SIMC1: variants seen among roughly 807,000 people sequenced by gnomAD.
The protein encoded by SIMC1 is SUMO-interacting motif-containing protein 1.
SIMC1 carries 55 observed loss-of-function variants against 82.3 expected under a neutral mutation model. The observed-to-expected ratio is 0.67, with a 90% confidence interval of 0.54 to 0.84. The LOEUF is 0.84. Among genes scored for constraint, SIMC1 ranks in the 40% least tolerant of loss-of-function variants. The pLI, the probability that SIMC1 is intolerant of heterozygous loss-of-function variation, is 0.00. For synonymous variants in SIMC1, 353 were observed against 426.3 expected, an observed-to-expected ratio of 0.83 and a Z score of 2.12; for missense variants, 915 against 1,107.2, an observed-to-expected ratio of 0.83 and a Z score of 2.46.
chr5:176,309,494 G>GCCT (rs765359142), intron 4 of SIMC1, among the ~76,000 whole-genome samples: 1 of 152,122 alleles, frequency 6.6e-6, no homozygotes, highest in Non-Finnish European at 1.5e-5. Context: ...TGCCCCAAAA[G>GCCT]CATATCCGTA....
intron 5 of SIMC1, among the ~76,000 whole-genome samples, chr5:176,321,398 G>T (rs531551621): frequency 2.7e-5 from 4 of 149,978 alleles, no homozygotes; most frequent in East Asian, 2.0e-4. Flanking sequence ...AGCCGAGATC[G>T]CACCACTGCA....
At chr5:176,286,875 A>G (rs1763312660) in intron 1 of SIMC1, among the ~76,000 whole-genome samples, 1 of 152,256 alleles carries the variant, frequency 6.6e-6, no homozygotes, top group African/African-American at 2.4e-5. Context: ...GACACATGAA[A>G]AAATGCTCAT....
chr5:176,321,075 G>T (rs1415980636), intron 5 of SIMC1, among the ~76,000 whole-genome samples: 1 of 152,068 alleles, frequency 6.6e-6, no homozygotes, highest in African/African-American at 2.4e-5. Flanking sequence ...GCACCCAGGT[G>T]ATCATCATTC....
chr5:176,345,527 G>T lies in SIMC1; in HGVS notation c.*82G>T. On this transcript the variant is annotated 3_prime_UTR_variant, in exon 10 of 10. Transcript: ENST00000429602. Reference sequence around the variant, plus strand: ...CAGAAGCTCTAAAAGCATGAAAAGTGGTTAAAATCTTACAGGACCAAACCT... The same window carrying T: ...CAGAAGCTCTAAAAGCATGAAAAGTTGTTAAAATCTTACAGGACCAAACCT... 6.8e-7 allele frequency: 1 copy of T among 1,474,374 alleles called. No homozygotes were observed. 91.3% of individuals were successfully genotyped at this position (1,474,374 alleles called of 1,614,324 possible). A position where few individuals can be genotyped will look rare whatever the true frequency, so the allele number is the denominator to read the frequency against.
intron 4 of SIMC1, chr5:176,313,464 T>C: frequency 6.5e-7 from 1 of 1,550,274 alleles, no homozygotes; most frequent in Non-Finnish European, 8.7e-7. Context: ...ACTTAAAAAA[T>C]GGTTTCTGAA....
chr5:176,334,332 G>C (rs1222904850), intron 7 of SIMC1, among the ~76,000 whole-genome samples: 1 of 152,132 alleles, frequency 6.6e-6, no homozygotes. Context: ...GCTTTTTCCT[G>C]TTGAGGCTTG....
intron 1 of SIMC1, among the ~76,000 whole-genome samples, chr5:176,241,866 A>C (rs554127245): frequency 2.0e-5 from 3 of 151,954 alleles, no homozygotes; most frequent in South Asian, 2.1e-4. Context: ...ATCTGTCTGA[A>C]ATAGGGGACA....
chr5:176,281,244 G>T (rs1488508619), intron 1 of SIMC1, among the ~76,000 whole-genome samples: 1 of 152,164 alleles, frequency 6.6e-6, no homozygotes, highest in Non-Finnish European at 1.5e-5. Flanking sequence ...GCTTCTGCAT[G>T]CTTCACGTAG....
chr5:176,344,967 C>A (rs1394685463), intron 9 of SIMC1, among the ~76,000 whole-genome samples: 1 of 152,032 alleles, frequency 6.6e-6, no homozygotes, highest in Non-Finnish European at 1.5e-5. Flanking sequence ...AACCATATCA[C>A]TTTTTTTAAT....
At chr5:176,328,096 A>G (rs1765470041) in intron 7 of SIMC1, among the ~76,000 whole-genome samples, 1 of 152,178 alleles carries the variant, frequency 6.6e-6, no homozygotes, top group Admixed American at 6.5e-5. Context: ...TATTTAAAAG[A>G]AAGATAAGTT....
At chr5:176,343,555 A>G (rs189479053) in intron 9 of SIMC1, among the ~76,000 whole-genome samples, 129 of 152,318 alleles carry the variant, frequency 8.5e-4, no homozygotes, top group Non-Finnish European at 1.6e-3. Context: ...ACGAATGCCC[A>G]TATATATACC....
chr5:176,273,443 T>C (rs1321640789), intron 1 of SIMC1, among the ~76,000 whole-genome samples: 3 of 151,932 alleles, frequency 2.0e-5, no homozygotes. Context: ...GTCACCATCA[T>C]CAAAGACCAA....
intron 4 of SIMC1, among the ~76,000 whole-genome samples, chr5:176,300,959 TTCAA>T (rs1326080504): frequency 1.3e-5 from 2 of 152,128 alleles, no homozygotes. Context: ...TCAAAAACCT[TTCAA>T]CAAAAAAGCC....
intron 1 of SIMC1, among the ~76,000 whole-genome samples, chr5:176,252,816 T>C (rs1227279719): frequency 3.9e-5 from 6 of 152,114 alleles, no homozygotes; most frequent in Non-Finnish European, 8.8e-5. Flanking sequence ...TGTAGCGAGC[T>C]GAGATCATGC....
rs1294570323 is a variant in SIMC1, at chr5:176,324,675, G to A, written c.2089G>A (p.Asp697Asn). The change falls in exon 7 of 10, where the codon GAC becomes AAC. Residue 697 changes from aspartate to asparagine, a missense_variant. Physicochemically the swap from Asp to Asn is conservative, Grantham distance 23. This residue lies in a region of SIMC1 where 902 missense variants were observed against 1,040.3 expected (regional missense o/e 0.87). Transcript: ENST00000429602. ...QRMLSIAVEV[D>N]RTPTCSSNKI... The stretch of plus-strand genomic sequence containing the variant: ...GATGCTCTCCATAGCCGTAGAGGTG[G>A]ACAGGACCCCCACCTGCAGCTCCAA... The A allele has an allele frequency of 6.2e-7, 1 of 1,609,838 alleles. No individual in the cohort carries two copies. Among genetic ancestry groups the A allele is most frequent in the Non-Finnish European group, 8.5e-7 (1 of 1,178,118 alleles).
intron 4 of SIMC1, among the ~76,000 whole-genome samples, chr5:176,312,636 G>A (rs1764715491): frequency 1.3e-5 from 2 of 151,432 alleles, no homozygotes; most frequent in Non-Finnish European, 2.9e-5. Context: ...AAACACCTTT[G>A]GAAGACAAAG....
At chr5:176,253,267 G>C (rs1465145847) in intron 1 of SIMC1, among the ~76,000 whole-genome samples, 1 of 152,164 alleles carries the variant, frequency 6.6e-6, no homozygotes, top group African/African-American at 2.4e-5. Flanking sequence ...CCCTTTGTGG[G>C]TAACCCGACC....
chr5:176,324,004 A>C (rs930478166), intron 6 of SIMC1, among the ~76,000 whole-genome samples: 3 of 151,742 alleles, frequency 2.0e-5, no homozygotes, highest in African/African-American at 7.2e-5. Flanking sequence ...AAAAAAAAAA[A>C]AAAAAAAAAA....
intron 8 of SIMC1, 74 bp downstream of exon 8, chr5:176,336,950 T>G: frequency 6.2e-7 from 1 of 1,600,764 alleles, no homozygotes; most frequent in Non-Finnish European, 8.5e-7. Context: ...TCCCATAGGA[T>G]TTTAGCTTAA....
Sources: gnomAD v4.1 joint callset for allele counts (sites outside exome capture counted in the v4.1 genomes callset) on GRCh38, gnomAD v4.1.1 for gene constraint, gnomAD v4.1.1 regional missense constraint, MANE v1.5 for transcripts, NCBI Gene and HGNC (gene_info 2026-07-23, HGNC 2026-07-21) for gene names.